PIBF1: variants seen among roughly 807,000 people sequenced by gnomAD.
PIBF1 encodes progesterone-induced-blocking factor 1.
In PIBF1, 90 loss-of-function variants were observed where a neutral mutation model predicts 112.5. The ratio of observed to expected loss-of-function variants is 0.80; its 90% CI spans 0.67 to 0.95. The LOEUF (loss-of-function observed/expected upper bound fraction) is 0.95. Ranked by LOEUF, PIBF1 falls within the 40% of genes least tolerant of loss-of-function variation. The pLI is 0.00. For synonymous variants in PIBF1, 301 were observed against 288.6 expected, an observed-to-expected ratio of 1.04 and a Z score of -0.44; for missense variants, 915 against 852.3, an observed-to-expected ratio of 1.07 and a Z score of -0.92.
chr13:72,863,888 G>A (rs1220285183), intron 10 of PIBF1, among the ~76,000 whole-genome samples: 1 of 152,164 alleles, frequency 6.6e-6, no homozygotes, highest in Non-Finnish European at 1.5e-5. Context: ...TGGGTTCCAT[G>A]CCCAGCCTAG....
At chr13:72,802,391 A>G (rs1202890154) in intron 5 of PIBF1, among the ~76,000 whole-genome samples, 2 of 152,296 alleles carry the variant, frequency 1.3e-5, no homozygotes, top group East Asian at 3.9e-4. Context: ...GGAAACAAAG[A>G]GACTTGTTAA....
chr13:72,834,696 TAA>T (rs2138201480), intron 8 of PIBF1, among the ~76,000 whole-genome samples: 1 of 152,298 alleles, frequency 6.6e-6, no homozygotes, highest in African/African-American at 2.4e-5. Flanking sequence ...ATTTTACTCT[TAA>T]AGAGTTCACA....
At chr13:72,799,925 T>C (rs1467787293) in intron 5 of PIBF1, among the ~76,000 whole-genome samples, 1 of 152,174 alleles carries the variant, frequency 6.6e-6, no homozygotes, top group African/African-American at 2.4e-5. Context: ...CAGGCCATTC[T>C]TAGAGTTTGT....
chr13:72,834,773 A>G (rs1191399237), intron 8 of PIBF1, among the ~76,000 whole-genome samples: 1 of 152,226 alleles, frequency 6.6e-6, no homozygotes, highest in African/African-American at 2.4e-5. Flanking sequence ...GACTTGGCTA[A>G]AAGATCACGG....
At chr13:72,945,426 A>G (rs2042123572) in intron 14 of PIBF1, among the ~76,000 whole-genome samples, 1 of 152,208 alleles carries the variant, frequency 6.6e-6, no homozygotes, top group Non-Finnish European at 1.5e-5. Context: ...GCTAGGTTGA[A>G]TGATAGCTGT....
chr13:72,942,426 T>C (rs2138820971), intron 14 of PIBF1, among the ~76,000 whole-genome samples: 1 of 152,304 alleles, frequency 6.6e-6, no homozygotes, highest in South Asian at 2.1e-4. Context: ...TGTCCTATAT[T>C]GCACAACTCT....
intron 15 of PIBF1, 31 bp from the exon 16 acceptor site, chr13:72,973,560 G>A (rs1594298021): frequency 8.9e-6 from 10 of 1,117,904 alleles, no homozygotes; most frequent in African/African-American, 6.4e-5. Flanking sequence ...CTAACATAAT[G>A]ACTTTTTAAA....
chr13:72,844,752 C>CACGGATGAAGTCTTACTGTTT (rs2037768075), intron 9 of PIBF1, among the ~76,000 whole-genome samples: 1 of 93,996 alleles, frequency 1.1e-5, no homozygotes, highest in African/African-American at 4.3e-5. Context: ...CACACACACA[C>CACGGATGAAGTCTTACTGTTT]ACACACACAC....
At chr13:72,988,971 A>G (rs966798461) in intron 16 of PIBF1, among the ~76,000 whole-genome samples, 15 of 152,192 alleles carry the variant, frequency 9.9e-5, no homozygotes, top group Middle Eastern at 3.4e-3. Context: ...CCAGGAGGGG[A>G]AGGTTGCACT....
At chr13:72,787,053 TA>T (rs1207563885) in intron 2 of PIBF1, among the ~76,000 whole-genome samples, 1 of 152,160 alleles carries the variant, frequency 6.6e-6, no homozygotes, top group Non-Finnish European at 1.5e-5. Context: ...AAAGAATATT[TA>T]AAAAATATTT....
intron 5 of PIBF1, among the ~76,000 whole-genome samples, chr13:72,807,869 C>T (rs926477190): frequency 1.3e-5 from 2 of 152,066 alleles, no homozygotes; most frequent in African/African-American, 4.8e-5. Flanking sequence ...ACAATGACAC[C>T]AGTATATTTA....
chr13:72,930,186 T>G (rs1304115023), intron 13 of PIBF1, among the ~76,000 whole-genome samples: 1 of 152,200 alleles, frequency 6.6e-6, no homozygotes. Flanking sequence ...GAATGTTGTC[T>G]GCATTTCTTT....
chr13:72,826,075 A>T (rs899594094), intron 6 of PIBF1, among the ~76,000 whole-genome samples: 4 of 151,850 alleles, frequency 2.6e-5, no homozygotes, highest in South Asian at 2.1e-4. Context: ...AAGATTTTTT[A>T]AAAAATTGCA....
chr13:72,806,304 C>G (rs1383947024), intron 5 of PIBF1, among the ~76,000 whole-genome samples: 3 of 151,220 alleles, frequency 2.0e-5, no homozygotes, highest in Non-Finnish European at 4.4e-5. Context: ...GTATTTGCCC[C>G]TTTGTGATTG....
chr13:72,819,226 TA>T (rs1430971805), intron 5 of PIBF1, among the ~76,000 whole-genome samples: 1 of 152,144 alleles, frequency 6.6e-6, no homozygotes, highest in Non-Finnish European at 1.5e-5. Context: ...AAGAGCTATC[TA>T]AATTATTCAA....
intron 5 of PIBF1, among the ~76,000 whole-genome samples, chr13:72,805,113 A>T (rs188359951): frequency 1.3e-5 from 2 of 152,254 alleles, no homozygotes; most frequent in Non-Finnish European, 2.9e-5. Flanking sequence ...AGCTGGGATT[A>T]CAGGCACCCA....
At chr13:72,969,116 T>C (rs2042826775) in intron 15 of PIBF1, among the ~76,000 whole-genome samples, 2 of 152,166 alleles carry the variant, frequency 1.3e-5, no homozygotes, top group Non-Finnish European at 2.9e-5. Context: ...TGATATAATC[T>C]TCATAATATA....
At chr13:72,878,727 G>A (rs1023072361) in intron 10 of PIBF1, among the ~76,000 whole-genome samples, 1 of 152,130 alleles carries the variant, frequency 6.6e-6, no homozygotes, top group African/African-American at 2.4e-5. Flanking sequence ...GCGTGTTGAA[G>A]TCTTCAACTA....
intron 11 of PIBF1, among the ~76,000 whole-genome samples, chr13:72,906,252 C>T (rs2040700303): frequency 6.6e-6 from 1 of 151,742 alleles, no homozygotes; most frequent in South Asian, 2.1e-4. Flanking sequence ...GCAAAGGCTC[C>T]CAGAAGCGTT....
Sources: gnomAD v4.1 joint callset for allele counts (sites outside exome capture counted in the v4.1 genomes callset) on GRCh38, gnomAD v4.1.1 for gene constraint, MANE v1.5 for transcripts, NCBI Gene and HGNC (gene_info 2026-07-23, HGNC 2026-07-21) for gene names.